DPP8: variants seen among roughly 807,000 people sequenced by gnomAD.
The protein encoded by DPP8 is dipeptidyl peptidase 8, also known as DPP VIII.
Under a neutral mutation model 107.5 loss-of-function variants are expected in DPP8, and 31 were observed. The ratio of observed to expected loss-of-function variants is 0.29; its 90% CI spans 0.22 to 0.39. The LOEUF (loss-of-function observed/expected upper bound fraction) is 0.39. Among genes scored for constraint, DPP8 ranks in the 10% least tolerant of loss-of-function variants. The pLI is 1.00. For synonymous variants in DPP8, 381 were observed against 356.6 expected, an observed-to-expected ratio of 1.07 and a Z score of -0.77; for missense variants, 842 against 1,076.1, an observed-to-expected ratio of 0.78 and a Z score of 3.04.
rs2063345733 is a variant in DPP8 at position 65,442,852 on chromosome 15, A to G, written c.*4032T>C. 1 of 152,204 alleles carries G rather than the reference A, an allele frequency of 6.6e-6. No individual in the cohort carries two copies. Among genetic ancestry groups the G allele is most frequent in the Admixed American group, 6.5e-5 (1 of 15,278 alleles). 9.4% of individuals were successfully genotyped at this position (152,204 alleles called of 1,614,324 possible). A position where few individuals can be genotyped will look rare whatever the true frequency, so the allele number is the denominator to read the frequency against. On this transcript the variant is annotated 3_prime_UTR_variant, in exon 20 of 20. Coordinates refer to ENST00000300141, the MANE Select transcript of DPP8 (RefSeq NM_130434.5). ...TGAGGCTGGGAAGGTGGGAATCAAA[A>G]AAGTTTCCTTTTTCCTTTATATCTG...
intron 1 of DPP8, among the ~76,000 whole-genome samples, chr15:65,514,141 T>C (rs2071145732): frequency 6.6e-6 from 1 of 152,240 alleles, no homozygotes. Flanking sequence ...CACACGTTAC[T>C]GGCATGCCAA....
At chr15:65,472,826 G>C (rs2066015761) in intron 12 of DPP8, among the ~76,000 whole-genome samples, 1 of 152,106 alleles carries the variant, frequency 6.6e-6, no homozygotes, top group South Asian at 2.1e-4. Flanking sequence ...GATTGCTTTA[G>C]CTCAGGAGTT....
In DPP8 at chr15:65,467,102, C is replaced by T. The variant is rs759901599; in HGVS notation, c.1658G>A (p.Arg553His). The T allele has an allele frequency of 1.2e-5, 19 of 1,614,006 alleles. No individual in the cohort carries two copies. The highest frequency in any genetic ancestry group is 1.7e-5 in the Admixed American group (1 of 59,986). The change falls in exon 13 of 20, where the codon CGT (arginine) becomes CAT (histidine). Residue 553 changes from arginine (R) to histidine (H), a missense_variant. Arg to His is a conservative substitution (Grantham distance 29). Coordinates refer to ENST00000300141, the MANE Select transcript of DPP8 (RefSeq NM_130434.5). ...NPGEVTRLTD[R>H]GYSHSCCISQ... is the part of the protein sequence containing the mutation. Reference sequence around the variant, plus strand: ...GATGCAGCAAGAATGTGAGTAGCCACGGTCAGTCAGCCTTGTCACCTCTCC... The same window carrying T: ...GATGCAGCAAGAATGTGAGTAGCCATGGTCAGTCAGCCTTGTCACCTCTCC...
intron 12 of DPP8, among the ~76,000 whole-genome samples, chr15:65,468,417 C>T (rs1449033393): frequency 6.6e-6 from 1 of 151,898 alleles, no homozygotes; most frequent in African/African-American, 2.4e-5. Flanking sequence ...ATCACTTGAG[C>T]CCAGAATTTG....
chr15:65,451,385 A>AT (rs1477847527), intron 18 of DPP8, among the ~76,000 whole-genome samples: 3 of 152,240 alleles, frequency 2.0e-5, no homozygotes, highest in African/African-American at 7.2e-5. Flanking sequence ...TTTGTAAAAT[A>AT]TATTCAGGCA....
At chr15:65,465,569 C>CTT (rs556724106) in intron 14 of DPP8, among the ~76,000 whole-genome samples, 8,976 of 128,514 alleles carry the variant, frequency 0.07, 331 homozygotes, top group African/African-American at 0.11. Flanking sequence ...CCAGTCCATT[C>CTT]TTTTTTTTTT....
intron 11 of DPP8, 106 bp from the exon 12 acceptor site, chr15:65,474,394 G>A (rs1427841061): frequency 7.5e-6 from 6 of 801,902 alleles, no homozygotes; most frequent in Non-Finnish European, 1.2e-5. Context: ...GTTATGTTTG[G>A]GGTAATAAAA....
At chr15:65,456,768 T>C (rs1207074425) in intron 15 of DPP8, among the ~76,000 whole-genome samples, 1 of 152,150 alleles carries the variant, frequency 6.6e-6, no homozygotes, top group Non-Finnish European at 1.5e-5. Flanking sequence ...CTTGGCTTCC[T>C]CCACTGCCTA....
intron 5 of DPP8, 98 bp downstream of exon 5, chr15:65,497,766 G>T: frequency 1.0e-6 from 1 of 959,856 alleles, no homozygotes; most frequent in Non-Finnish European, 1.5e-6. Flanking sequence ...CAAATATAAA[G>T]ATCACCCAAC....
chr15:65,480,582 A>T (rs1484819823), intron 9 of DPP8, among the ~76,000 whole-genome samples, 183 bp from the exon 10 acceptor site: 1 of 152,208 alleles, frequency 6.6e-6, no homozygotes, highest in Non-Finnish European at 1.5e-5. Context: ...CTTGAACAGA[A>T]TTTATAAAAA....
intron 8 of DPP8, 33 bp downstream of exon 8, chr15:65,485,066 A>C (rs2067273600): frequency 6.5e-7 from 1 of 1,539,170 alleles, no homozygotes; most frequent in Non-Finnish European, 9.0e-7. Context: ...TAGTCAAATG[A>C]CGCAGAAGGT....
intron 12 of DPP8, among the ~76,000 whole-genome samples, chr15:65,473,582 T>A (rs1220631793): frequency 1.3e-5 from 2 of 152,026 alleles, no homozygotes; most frequent in Non-Finnish European, 2.9e-5. Context: ...AGTGGGAGGA[T>A]CGTCTGAGCC....
In DPP8 at chr15:65,446,852, G is replaced by T. The variant is rs749388995; in HGVS notation, c.*32C>A. ...ACCTCCTCATTTGGTTAAATAGCCA[G>T]TGTATACCAGAGAGTTCTACACAGG... On this transcript the variant is annotated 3_prime_UTR_variant, in exon 20 of 20. Transcript: ENST00000300141. 4 of 1,581,062 alleles carry T rather than the reference G, an allele frequency of 2.5e-6. No homozygotes were observed.
Position 65,487,089 on chromosome 15 carries a change from GA to G in DPP8, c.955+600del, listed in dbSNP as rs1392867521. Among the ~76,000 whole-genome samples, 5 of 151,414 alleles carry G rather than the reference GA, an allele frequency of 3.3e-5. No individual in the cohort carries two copies. In the South Asian group the frequency reaches 6.3e-4, roughly 19 times the overall value. ...TTGAAATGCTGTAAGAAGCAAAATGGAAAAAAATCACTTATTATGAAAAATA... is the reference window on the plus strand; with the variant it reads ...TTGAAATGCTGTAAGAAGCAAAATGGAAAAAATCACTTATTATGAAAAATA... On this transcript the variant is annotated intron_variant, in intron 7 of 19. Coordinates refer to ENST00000300141, the MANE Select transcript of DPP8 (RefSeq NM_130434.5).
intron 12 of DPP8, among the ~76,000 whole-genome samples, chr15:65,468,494 CAAAA>C (rs10714153): frequency 7.0e-6 from 1 of 143,190 alleles, no homozygotes; most frequent in African/African-American, 2.5e-5. Context: ...ACCCTTATCT[CAAAA>C]AAAAAAAAAA....
intron 7 of DPP8, among the ~76,000 whole-genome samples, chr15:65,486,635 TTCAACA>T (rs60901264): frequency 0.94 from 142,257 of 151,924 alleles, 66,612 homozygotes; most frequent in Admixed American, 0.96. Flanking sequence ...CAACATGGAA[TTCAACA>T]ACTATTCAAC....
intron 12 of DPP8, among the ~76,000 whole-genome samples, chr15:65,471,742 C>A (rs1393577344): frequency 6.6e-6 from 1 of 152,164 alleles, no homozygotes; most frequent in Non-Finnish European, 1.5e-5. Flanking sequence ...TCGACACTGG[C>A]CTCCCAAAGT....
At chr15:65,485,995 G>A (rs2067382191) in intron 7 of DPP8, among the ~76,000 whole-genome samples, 1 of 151,760 alleles carries the variant, frequency 6.6e-6, no homozygotes, top group Non-Finnish European at 1.5e-5. Flanking sequence ...TCAGGGGGCT[G>A]AGGCAGGAGA....
intron 12 of DPP8, 60 bp downstream of exon 12, chr15:65,474,149 T>C: frequency 8.3e-7 from 1 of 1,211,220 alleles, no homozygotes; most frequent in Non-Finnish European, 1.2e-6. Context: ...TTACTCATTT[T>C]TAGCACTGCA....
Sources: gnomAD v4.1 joint callset for allele counts (sites outside exome capture counted in the v4.1 genomes callset) on GRCh38, gnomAD v4.1.1 for gene constraint, MANE v1.5 for transcripts, NCBI Gene and HGNC (gene_info 2026-07-23, HGNC 2026-07-21) for gene names.